The following CFAP299 variants were observed in gnomAD, a reference collection of about 807,000 sequenced individuals.
CFAP299 encodes cilia and flagella associated protein 299.
A neutral mutation model predicts 27.0 loss-of-function variants in CFAP299; 21 were observed. The ratio of observed to expected loss-of-function variants is 0.78; its 90% CI spans 0.55 to 1.12. The LOEUF (loss-of-function observed/expected upper bound fraction) is 1.12. Ranked by LOEUF, CFAP299 falls within the 50% of genes most tolerant of loss-of-function variation. CFAP299 has a pLI of 0.00. For missense variants in CFAP299, 310 were observed against 276.6 expected (o/e 1.12, Z -0.86); for synonymous variants, 104 against 98.1 (o/e 1.06, Z -0.36).
intron 2 of CFAP299, among the ~76,000 whole-genome samples, chr4:80,395,827 A>G (rs1725750158): frequency 6.6e-6 from 1 of 152,164 alleles, no homozygotes; most frequent in Admixed American, 6.6e-5. Flanking sequence ...ATTTACAACT[A>G]TAGTAGTAAA....
intron 3 of CFAP299, among the ~76,000 whole-genome samples, chr4:80,710,593 G>A (rs1225457303): frequency 1.1e-5 from 1 of 91,696 alleles, no homozygotes; most frequent in Non-Finnish European, 2.2e-5. Flanking sequence ...TTTTTTTTCT[G>A]TCCATGGTGT....
At chr4:80,933,965 T>C (rs1292743565) in intron 4 of CFAP299, among the ~76,000 whole-genome samples, 5 of 152,140 alleles carry the variant, frequency 3.3e-5, no homozygotes, top group South Asian at 2.1e-4. Context: ...CAGCACTACA[T>C]TGAATATAAA....
the CFAP299 span, among the ~76,000 whole-genome samples, chr4:80,322,110 C>A: frequency 1.3e-5 from 2 of 152,178 alleles, no homozygotes; most frequent in Non-Finnish European, 2.9e-5. Flanking sequence ...AATAGGGAGA[C>A]TGGTATGGGG....
rs1350947614 is a variant in CFAP299 at position 80,391,995 on chromosome 4, C to G, written c.242+29111C>G. Among the ~76,000 whole-genome samples, 4 of 152,292 alleles carry G rather than the reference C, an allele frequency of 2.6e-5. No homozygotes were observed. In the East Asian group the frequency reaches 7.7e-4, roughly 29 times the overall value. On this transcript the variant is annotated intron_variant, in intron 2 of 5. Transcript: ENST00000358105. Reference sequence around the variant, plus strand: ...AGATCATTTTGGACCTCGTGACCTGCATTTGAGACATGGAGTCAAAGGAGG... The same window carrying G: ...AGATCATTTTGGACCTCGTGACCTGGATTTGAGACATGGAGTCAAAGGAGG...
At chr4:80,519,658 C>T (rs1260869153) in intron 2 of CFAP299, among the ~76,000 whole-genome samples, 4 of 152,036 alleles carry the variant, frequency 2.6e-5, no homozygotes, top group African/African-American at 7.2e-5. Flanking sequence ...ATTATAAAAT[C>T]GTAGATCCAT....
intron 3 of CFAP299, among the ~76,000 whole-genome samples, chr4:80,696,657 A>T (rs1426803239): frequency 6.6e-6 from 1 of 152,210 alleles, no homozygotes; most frequent in Admixed American, 6.5e-5. Flanking sequence ...AGGGAATAAA[A>T]ACAGGGTGTT....
rs113063342 is a variant in CFAP299, at chr4:80,382,837, C to G, written c.242+19953C>G. Among the ~76,000 whole-genome samples, 141 of 152,154 alleles carry G rather than the reference C, an allele frequency of 9.3e-4. 1 individual carries two copies. Among genetic ancestry groups the G allele is most frequent in the African/African-American group, 3.2e-3 (132 of 41,530 alleles). ...CCCATTACGGGTTTATATTTATATT[C>G]CCAAAGGAATATAAATCATTTTATC... On this transcript the variant is annotated intron_variant, in intron 2 of 5. Transcript: ENST00000358105.
intron 2 of CFAP299, among the ~76,000 whole-genome samples, chr4:80,400,354 T>C (rs1489343420): frequency 2.0e-5 from 3 of 152,166 alleles, no homozygotes; most frequent in African/African-American, 7.2e-5. Context: ...TGAGTTGATA[T>C]GGCTTGGTTG....
chr4:80,788,048 A>T (rs940798625), intron 3 of CFAP299, among the ~76,000 whole-genome samples: 2 of 152,030 alleles, frequency 1.3e-5, no homozygotes, highest in African/African-American at 4.8e-5. Context: ...CTGATTCAGT[A>T]GGTCTGCAAT....
At chr4:80,329,134 G>T in the CFAP299 span, among the ~76,000 whole-genome samples, 4 of 150,364 alleles carry the variant, frequency 2.7e-5, no homozygotes, top group Non-Finnish European at 5.9e-5. Context: ...TTTTATGTGT[G>T]GCCCAAGATA....
At position 80,712,684 on chromosome 4, in the gene CFAP299, A is replaced by G. The variant is rs139375179; in HGVS notation, c.333+129501A>G. ...GTGTCTAAAGACTTTTAAAAAAATCACATACAGAAATGAATTAGTATGTTT... is the reference window on the plus strand; with the variant it reads ...GTGTCTAAAGACTTTTAAAAAAATCGCATACAGAAATGAATTAGTATGTTT... On this transcript the variant is annotated intron_variant, in intron 3 of 5. Coordinates refer to ENST00000358105, the MANE Select transcript of CFAP299 (RefSeq NM_152770.3). Among the ~76,000 whole-genome samples the G allele has an allele frequency of 6.6e-5, 10 of 152,322 alleles. No homozygotes were observed. In the East Asian group the frequency reaches 1.7e-3, roughly 26 times the overall value.
chr4:80,822,250 G>A (rs1336671233), intron 3 of CFAP299, among the ~76,000 whole-genome samples: 11 of 152,132 alleles, frequency 7.2e-5, no homozygotes, highest in Non-Finnish European at 5.9e-5. Flanking sequence ...CATTCAAGTA[G>A]CCTGAAAAGC....
chr4:80,332,323 C>G (rs1251329585), upstream of CFAP299, among the ~76,000 whole-genome samples: 1 of 152,062 alleles, frequency 6.6e-6, no homozygotes. Context: ...CTAACATTGT[C>G]TGTGGAGGTG....
At chr4:80,476,091 G>A (rs1730261260) in intron 2 of CFAP299, among the ~76,000 whole-genome samples, 1 of 152,158 alleles carries the variant, frequency 6.6e-6, no homozygotes, top group East Asian at 1.9e-4. Context: ...ATTGGTAAGA[G>A]TGAAAAAGGA....
intron 2 of CFAP299, among the ~76,000 whole-genome samples, chr4:80,450,151 T>C (rs1728829249): frequency 6.6e-6 from 1 of 152,118 alleles, no homozygotes; most frequent in Non-Finnish European, 1.5e-5. Context: ...GATTAATGAC[T>C]AAAGCCAGGG....
intron 4 of CFAP299, among the ~76,000 whole-genome samples, chr4:80,905,117 T>C (rs1321620515): frequency 6.6e-6 from 1 of 152,234 alleles, no homozygotes; most frequent in Admixed American, 6.5e-5. Context: ...CCTTTTTAGG[T>C]TGAAGGGCCT....
intron 2 of CFAP299, among the ~76,000 whole-genome samples, chr4:80,526,573 TTA>T (rs1399471303): frequency 6.6e-6 from 1 of 152,130 alleles, no homozygotes; most frequent in Non-Finnish European, 1.5e-5. Flanking sequence ...TATAGATTTT[TTA>T]TATCTGTACA....
At position 80,425,333 on chromosome 4, in the gene CFAP299, A is replaced by G. The variant is rs554294770; in HGVS notation, c.242+62449A>G. Among the ~76,000 whole-genome samples, 8 of 152,346 alleles carry G rather than the reference A, an allele frequency of 5.3e-5. No homozygotes were observed. In the East Asian group the frequency reaches 5.8e-4, roughly 11 times the overall value. ...TATGAGTAACTGCCTAACAAGCCAC[A>G]TGGAACAAATTCTTAGGTCTTGCTC... On this transcript the variant is annotated intron_variant, in intron 2 of 5. Coordinates refer to ENST00000358105, the MANE Select transcript of CFAP299 (RefSeq NM_152770.3).
chr4:80,958,175 C>T (rs1182606456), intron 5 of CFAP299, among the ~76,000 whole-genome samples: 1 of 152,104 alleles, frequency 6.6e-6, no homozygotes, highest in East Asian at 1.9e-4. Flanking sequence ...CTTAAGATAA[C>T]TTATACATAG....
Sources: allele counts gnomAD v4.1 joint callset (sites outside exome capture counted in the v4.1 genomes callset), GRCh38; gene constraint gnomAD v4.1.1; transcripts MANE v1.5; gene names NCBI Gene and HGNC (gene_info 2026-07-23, HGNC 2026-07-21).